Variants in EYS observed in about 807,000 individuals in gnomAD.
EYS encodes protein eyes shut homolog.
A neutral mutation model predicts 282.1 loss-of-function variants in EYS; 250 were observed. That is an observed-to-expected ratio of 0.89 (90% confidence interval 0.80 to 0.98). The LOEUF is 0.98. Ranked by LOEUF, EYS falls within the 50% of genes least tolerant of loss-of-function variation. The pLI is 0.00. For synonymous variants in EYS, 1,355 were observed against 1,282.9 expected, an observed-to-expected ratio of 1.06 and a Z score of -1.20; for missense variants, 4,016 against 3,709.0, an observed-to-expected ratio of 1.08 and a Z score of -2.15.
At chr6:64,879,899 A>G (rs933197965) in intron 19 of EYS, among the ~76,000 whole-genome samples, 4 of 152,032 alleles carry the variant, frequency 2.6e-5, no homozygotes, top group African/African-American at 9.7e-5. Flanking sequence ...TGTGCCATTT[A>G]GAAATATAGA....
intron 31 of EYS, among the ~76,000 whole-genome samples, chr6:64,115,307 T>G (rs1409114503): frequency 2.0e-5 from 3 of 152,098 alleles, no homozygotes. Context: ...CCTGGAACTG[T>G]AGTCATTGTG....
intron 41 of EYS, among the ~76,000 whole-genome samples, chr6:63,757,206 G>A (rs1264175803): frequency 6.6e-6 from 1 of 152,038 alleles, no homozygotes; most frequent in African/African-American, 2.4e-5. Flanking sequence ...CCCTGGGAAA[G>A]GCACGCATTC....
chr6:65,090,927 C>G (rs1774539713), intron 12 of EYS, among the ~76,000 whole-genome samples: 1 of 152,070 alleles, frequency 6.6e-6, no homozygotes, highest in African/African-American at 2.4e-5. Flanking sequence ...GCCTAGAACA[C>G]AGTAAATATT....
chr6:63,812,527 T>C (rs1771074474), intron 36 of EYS, among the ~76,000 whole-genome samples: 1 of 152,204 alleles, frequency 6.6e-6, no homozygotes, highest in African/African-American at 2.4e-5. Context: ...TTATTATTTT[T>C]TCTCCCCACT....
At chr6:65,464,601 C>T (rs914953182) in intron 5 of EYS, among the ~76,000 whole-genome samples, 1 of 152,144 alleles carries the variant, frequency 6.6e-6, no homozygotes, top group Non-Finnish European at 1.5e-5. Context: ...CTACATGCCA[C>T]CTTTTAATAA....
intron 2 of EYS, among the ~76,000 whole-genome samples, chr6:65,511,868 C>T (rs562013911): frequency 9.2e-4 from 140 of 151,380 alleles, no homozygotes; most frequent in Non-Finnish European, 1.6e-3. Context: ...ATAATCTCAG[C>T]TACTTGAGAG....
intron 15 of EYS, among the ~76,000 whole-genome samples, chr6:64,932,513 G>A (rs775382303): frequency 6.6e-6 from 1 of 151,860 alleles, no homozygotes; most frequent in Non-Finnish European, 1.5e-5. Flanking sequence ...AATAACTCGG[G>A]AATTAGATGT....
intron 11 of EYS, among the ~76,000 whole-genome samples, chr6:65,310,872 G>A (rs1010327890): frequency 2.6e-5 from 4 of 151,864 alleles, no homozygotes; most frequent in African/African-American, 4.8e-5. Flanking sequence ...TTATATCTTC[G>A]TGGCAATATT....
intron 19 of EYS, among the ~76,000 whole-genome samples, chr6:64,843,542 A>G (rs1765629352): frequency 6.6e-6 from 1 of 152,174 alleles, no homozygotes; most frequent in Admixed American, 6.5e-5. Flanking sequence ...GCCCCGCTGG[A>G]TTTTGGACAT....
At chr6:64,429,785 G>A (rs1232380857) in intron 28 of EYS, among the ~76,000 whole-genome samples, 4 of 152,158 alleles carry the variant, frequency 2.6e-5, no homozygotes, top group East Asian at 1.9e-4. Flanking sequence ...TATACCACTT[G>A]GAAAGGAAGA....
At chr6:63,764,978 T>C (rs1051223797) in intron 40 of EYS, among the ~76,000 whole-genome samples, 1 of 152,044 alleles carries the variant, frequency 6.6e-6, no homozygotes, top group African/African-American at 2.4e-5. Context: ...CTTTGGGTGA[T>C]ATTTTTCTAA....
intron 33 of EYS, among the ~76,000 whole-genome samples, chr6:64,019,864 A>ACT (rs1205334490): frequency 6.8e-6 from 1 of 147,576 alleles, no homozygotes; most frequent in African/African-American, 2.5e-5. Context: ...ATATATATAT[A>ACT]TATACTTACA....
chr6:65,442,142 A>G (rs1368410120), intron 5 of EYS, among the ~76,000 whole-genome samples: 3 of 152,034 alleles, frequency 2.0e-5, no homozygotes. Flanking sequence ...TTTAAAAAAT[A>G]TGACTATAAT....
chr6:65,649,342 G>A (rs983102820), intron 1 of EYS, among the ~76,000 whole-genome samples: 1 of 151,726 alleles, frequency 6.6e-6, no homozygotes, highest in Non-Finnish European at 1.5e-5. Context: ...TATAGCATAG[G>A]TTCTTTTCTG....
intron 23 of EYS, among the ~76,000 whole-genome samples, chr6:64,623,622 C>A (rs553803462): frequency 2.0e-5 from 3 of 151,832 alleles, no homozygotes; most frequent in Non-Finnish European, 4.4e-5. Context: ...GACAGAGGTG[C>A]TGAAAAAAGG....
chr6:65,386,580 G>A (rs962321889), intron 7 of EYS, among the ~76,000 whole-genome samples: 1 of 151,862 alleles, frequency 6.6e-6, no homozygotes, highest in African/African-American at 2.4e-5. Context: ...TTCAATAGTA[G>A]CCTTGACATT....
Position 64,638,358 on chromosome 6 carries a change from T to C in EYS, c.3444-12113A>G, listed in dbSNP as rs181855819. Among the ~76,000 whole-genome samples the C allele has an allele frequency of 4.4e-5, 4 of 91,128 alleles. 2 individuals carry two copies. The Admixed American group carries it at 4.7e-4, about 11-fold the overall frequency. 59.8% of individuals were successfully genotyped at this position (91,128 alleles called of 152,430 possible). A position where few individuals can be genotyped will look rare whatever the true frequency, so the allele number is the denominator to read the frequency against. ...CTATGACTAGACTCTCTATTAAATC[T>C]AAAATAGTGAGAATATGAATTGTAT... On this transcript the variant is annotated intron_variant, in intron 22 of 42. Transcript: ENST00000503581.
chr6:64,199,229 A>AT, intron 31 of EYS, among the ~76,000 whole-genome samples: 1 of 152,206 alleles, frequency 6.6e-6, no homozygotes, highest in Non-Finnish European at 1.5e-5. Flanking sequence ...CTGGTACCAA[A>AT]ACAGATATAT....
At chr6:63,948,553 G>T (rs1241440780) in intron 35 of EYS, among the ~76,000 whole-genome samples, 1 of 152,110 alleles carries the variant, frequency 6.6e-6, no homozygotes, top group Non-Finnish European at 1.5e-5. Flanking sequence ...GCAATGCCCT[G>T]TTTTTCCATT....
Sources: allele counts gnomAD v4.1 joint callset (sites outside exome capture counted in the v4.1 genomes callset), GRCh38; gene constraint gnomAD v4.1.1; transcripts MANE v1.5; gene names NCBI Gene and HGNC (gene_info 2026-07-23, HGNC 2026-07-21).